DNMT3A: variants seen among roughly 807,000 people sequenced by gnomAD.
DNMT3A encodes the protein DNA methyltransferase 3 alpha.
In DNMT3A, 267 loss-of-function variants were observed where a neutral mutation model predicts 117.6. The ratio of observed to expected loss-of-function variants is 2.27; its 90% CI spans 2.05 to 2.51. DNMT3A has a LOEUF of 2.51. Among genes scored for constraint, DNMT3A ranks in the 30% most tolerant of loss-of-function variants. DNMT3A has a pLI of 0.00. For synonymous variants in DNMT3A, 432 were observed against 474.8 expected (o/e 0.91, Z 1.17); for missense variants, 1,029 against 1,260.2 (o/e 0.82, Z 2.78).
At position 25,246,090 on chromosome 2, in the gene DNMT3A, AGAG is replaced by A. The variant is rs773732824; in HGVS notation, c.1430-29_1430-27del. ...CTGCAAGGGGAGGAGAGCTGGCGTCAGAGGAGGCCGCGCCTGCTCCTCGGATGC... is the reference window on the plus strand; with the variant it reads ...CTGCAAGGGGAGGAGAGCTGGCGTCAGAGGCCGCGCCTGCTCCTCGGATGC... On this transcript the variant is annotated intron_variant, in intron 11 of 22. Coordinates refer to ENST00000321117, the MANE Select transcript of DNMT3A (RefSeq NM_022552.5). The A allele has an allele frequency of 3.7e-5, 59 of 1,614,096 alleles. No homozygotes were observed. The African/African-American group carries it at 7.1e-4, about 19-fold the overall frequency.
At chr2:25,308,938 A>T (rs1199441659) in intron 2 of DNMT3A, among the ~76,000 whole-genome samples, 1 of 151,100 alleles carries the variant, frequency 6.6e-6, no homozygotes, top group African/African-American at 2.4e-5. Flanking sequence ...GAAAGGAGGA[A>T]CCGCAGCCCC....
At position 25,237,131 on chromosome 2, in the gene DNMT3A, T is replaced by A; in HGVS notation, c.2409-126A>T. On this transcript the variant is annotated intron_variant, in intron 20 of 22. Coordinates refer to ENST00000321117, the MANE Select transcript of DNMT3A (RefSeq NM_022552.5). This position sits in a 1 kb window ranked among gnomAD's most constrained non-coding sequence, Gnocchi z 5.4. ...ACAGGGTAAGAGCCCCTTCCCCAAA[T>A]CACGCACACACGTCATAACTCTCTT... 1.2e-6 allele frequency: 1 copy of A among 834,952 alleles called. No homozygotes were observed. The allele number at this position is 834,952 out of a possible 1,614,324, so 51.7% of individuals were successfully genotyped here.
At chr2:25,264,706 C>T (rs1412500848) in intron 6 of DNMT3A, among the ~76,000 whole-genome samples, 4 of 152,038 alleles carry the variant, frequency 2.6e-5, no homozygotes, top group African/African-American at 4.8e-5. Context: ...TCATGATACG[C>T]CTGCCTTCGC....
Position 25,252,402 on chromosome 2 carries a change from A to C in DNMT3A, c.640-4150T>G, listed in dbSNP as rs1558680310. On this transcript the variant is annotated intron_variant, in intron 6 of 22. Transcript: ENST00000321117. The surrounding 1 kb of genome is among the most constrained non-coding windows in gnomAD (Gnocchi z 5.5). Reference sequence around the variant, plus strand: ...CTCCAGGTCACGTGGGCCCCGCTGGAGGGCCTGGTTGGCTGCGAGCGGCCC... The same window carrying C: ...CTCCAGGTCACGTGGGCCCCGCTGGCGGGCCTGGTTGGCTGCGAGCGGCCC... The C allele has an allele frequency of 3.8e-6, 2 of 523,680 alleles. No individual in the cohort carries two copies. The highest frequency in any genetic ancestry group is 6.2e-6 in the Non-Finnish European group (2 of 323,616). 32.4% of individuals were successfully genotyped at this position (523,680 alleles called of 1,614,324 possible).
chr2:25,284,683 C>CAAAAAAAAAAAAAAAA (rs11463858), intron 3 of DNMT3A, among the ~76,000 whole-genome samples: 1 of 61,938 alleles, frequency 1.6e-5, no homozygotes, highest in African/African-American at 5.9e-5. Context: ...AAAGACTATA[C>CAAAAAAAAAAAAAAAA]AAAAAAAAAA....
chr2:25,242,560 A>T (rs1206102687), intron 16 of DNMT3A, among the ~76,000 whole-genome samples: 1 of 152,216 alleles, frequency 6.6e-6, no homozygotes, highest in Non-Finnish European at 1.5e-5. Flanking sequence ...AGGTTTACAG[A>T]AGAGCAGCAT....
intron 6 of DNMT3A, 80 bp downstream of exon 6, chr2:25,274,861 G>A (rs771374954): frequency 1.3e-6 from 2 of 1,541,184 alleles, no homozygotes; most frequent in Non-Finnish European, 1.8e-6. Flanking sequence ...GGGTTAGCCT[G>A]AAGGGGAAAC....
intron 6 of DNMT3A, among the ~76,000 whole-genome samples, chr2:25,253,138 GGGCCTCCAGGTGC>G (rs969542015): frequency 1.4e-4 from 21 of 152,152 alleles, no homozygotes; most frequent in Non-Finnish European, 2.2e-4. Context: ...TCCTCTCCTG[GGGCCTCCAGGTGC>G]GGCCTCCAGG....
Position 25,236,344 on chromosome 2 carries a change from C to T in DNMT3A, c.2479-519G>A, listed in dbSNP as rs1558653932. 6.6e-6 allele frequency among the ~76,000 whole-genome samples: 1 copy of T among 152,210 alleles called. No individual in the cohort carries two copies. Among genetic ancestry groups the T allele is most frequent in the Non-Finnish European group, 1.5e-5 (1 of 68,036 alleles). On this transcript the variant is annotated intron_variant, in intron 21 of 22. Coordinates refer to ENST00000321117, the MANE Select transcript of DNMT3A (RefSeq NM_022552.5). This position sits in a 1 kb window ranked among gnomAD's most constrained non-coding sequence, Gnocchi z 4.5. Reference sequence around the variant, plus strand: ...CCTCCCAAAGTATTGGGATTATAGGCGTGAGCCACCGCACCCGGCCTAGCC... The same window carrying T: ...CCTCCCAAAGTATTGGGATTATAGGTGTGAGCCACCGCACCCGGCCTAGCC...
Position 25,304,793 on chromosome 2 carries a change from G to C in DNMT3A, c.73-4550C>G, listed in dbSNP as rs2033700955. 2.0e-5 allele frequency among the ~76,000 whole-genome samples: 3 copies of C among 152,232 alleles called. No individual in the cohort carries two copies. The highest frequency in any genetic ancestry group is 6.5e-5 in the Admixed American group (1 of 15,276). ...AAACTGCTTCCGGCCTCAGCCCCTA[G>C]GCATAGACTGTTCTTCTGACCACAC... On this transcript the variant is annotated intron_variant, in intron 2 of 22. Coordinates refer to ENST00000321117, the MANE Select transcript of DNMT3A (RefSeq NM_022552.5). The surrounding 1 kb of genome is among the most constrained non-coding windows in gnomAD (Gnocchi z 4.3).
In DNMT3A at chr2:25,257,008, G is replaced by T. The variant is rs560909800; in HGVS notation, c.640-8756C>A. 1.2e-4 allele frequency among the ~76,000 whole-genome samples: 19 copies of T among 152,184 alleles called. No individual in the cohort carries two copies. The highest frequency in any genetic ancestry group is 1.2e-3 in the Admixed American group (19 of 15,270). ...TGCCCAAGTTCCAAGTTGGGGAATGGATCCATTTCATAGCAGGAATTCTAA... is the reference window on the plus strand; with the variant it reads ...TGCCCAAGTTCCAAGTTGGGGAATGTATCCATTTCATAGCAGGAATTCTAA... On this transcript the variant is annotated intron_variant, in intron 6 of 22. Transcript: ENST00000321117. The surrounding 1 kb of genome is among the most constrained non-coding windows in gnomAD (Gnocchi z 4.8).
At position 25,249,321 on chromosome 2, in the gene DNMT3A, A is replaced by G. The variant is rs529472183; in HGVS notation, c.640-1069T>C. Among the ~76,000 whole-genome samples, 61 of 152,240 alleles carry G rather than the reference A, an allele frequency of 4.0e-4. No individual in the cohort carries two copies. The South Asian group carries it at 0.012, about 30-fold the overall frequency. On this transcript the variant is annotated intron_variant, in intron 6 of 22. Coordinates refer to ENST00000321117, the MANE Select transcript of DNMT3A (RefSeq NM_022552.5). ...TTCCTGGTTTCCAGGCCACAATTCTAGTTTTGTGATGTCTGCTGACGAAGA... is the reference window on the plus strand; with the variant it reads ...TTCCTGGTTTCCAGGCCACAATTCTGGTTTTGTGATGTCTGCTGACGAAGA...
At chr2:25,303,218 G>C (rs1181674639) in intron 2 of DNMT3A, among the ~76,000 whole-genome samples, 1 of 152,206 alleles carries the variant, frequency 6.6e-6, no homozygotes, top group Non-Finnish European at 1.5e-5. Context: ...AAGCCAACCA[G>C]AGCGTCTGAT....
rs1672918946 is a variant in DNMT3A at position 25,232,448 on chromosome 2, G to C, written c.*1831C>G. The stretch of plus-strand genomic sequence containing the variant: ...GCTGCTGACTCGAGGTAAGAGCACA[G>C]CTATCATCAGACCAAGTACTAGAAA... On this transcript the variant is annotated 3_prime_UTR_variant, in exon 23 of 23. Transcript: ENST00000321117. The surrounding 1 kb of genome is among the most constrained non-coding windows in gnomAD (Gnocchi z 4.1). 1 of 152,260 alleles carries C rather than the reference G, an allele frequency of 6.6e-6. No homozygotes were observed. Among genetic ancestry groups the C allele is most frequent in the South Asian group, 2.1e-4 (1 of 4,830 alleles). 9.4% of individuals were successfully genotyped at this position (152,260 alleles called of 1,614,324 possible). A position where few individuals can be genotyped will look rare whatever the true frequency, so the allele number is the denominator to read the frequency against.
chr2:25,272,596 G>A (rs991457229), intron 6 of DNMT3A, among the ~76,000 whole-genome samples: 7 of 152,100 alleles, frequency 4.6e-5, no homozygotes, highest in Non-Finnish European at 4.4e-5. Context: ...GGAGTGCAGC[G>A]ACTGACTTGG....
At chr2:25,256,223 G>A (rs953476409) in intron 6 of DNMT3A, among the ~76,000 whole-genome samples, 1 of 152,154 alleles carries the variant, frequency 6.6e-6, no homozygotes, top group Non-Finnish European at 1.5e-5. Context: ...CCCACCTACA[G>A]CTCAAAAGCC....
At chr2:25,297,211 T>C (rs1260423310) in intron 3 of DNMT3A, among the ~76,000 whole-genome samples, 1 of 152,110 alleles carries the variant, frequency 6.6e-6, no homozygotes, top group Non-Finnish European at 1.5e-5. Context: ...GGTCAGTCTT[T>C]CTCGGTTCCT....
intron 21 of DNMT3A, 118 bp from the exon 22 acceptor site, chr2:25,235,943 G>C: frequency 1.1e-6 from 1 of 934,122 alleles, no homozygotes; most frequent in East Asian, 2.4e-5. Flanking sequence ...GGTCCACCCA[G>C]GGGGCTGGGT....
chr2:25,244,443 G>T, intron 14 of DNMT3A, 97 bp downstream of exon 14: 2 of 1,576,296 alleles, frequency 1.3e-6, no homozygotes, highest in Non-Finnish European at 1.7e-6. Context: ...TGGCTAGGGG[G>T]TGGAGGGTCT....
Sources: gnomAD v4.1 joint callset for allele counts (sites outside exome capture counted in the v4.1 genomes callset) on GRCh38, gnomAD v4.1.1 for gene constraint, Gnocchi (gnomAD v3.1) non-coding constraint, MANE v1.5 for transcripts, NCBI Gene and HGNC (gene_info 2026-07-23, HGNC 2026-07-21) for gene names.